Variants in THSD4 observed in about 807,000 individuals in gnomAD.
The protein encoded by THSD4 is thrombospondin type 1 domain containing 4, also known as thrombospondin type-1 domain-containing protein 4.
In THSD4, 69 loss-of-function variants were observed where a neutral mutation model predicts 119.0. The ratio of observed to expected loss-of-function variants is 0.58; its 90% CI spans 0.48 to 0.71. THSD4 has a LOEUF of 0.71. THSD4 is among the 30% of genes least tolerant of loss of function. The pLI, the probability that THSD4 is intolerant of heterozygous loss-of-function variation, is 0.00. For synonymous variants in THSD4, 524 were observed against 540.4 expected (o/e 0.97, Z 0.42); for missense variants, 1,393 against 1,391.1 (o/e 1.00, Z -0.02).
intron 1 of THSD4, among the ~76,000 whole-genome samples, chr15:71,098,616 A>G (rs1181121186): frequency 6.6e-6 from 1 of 152,042 alleles, no homozygotes; most frequent in Non-Finnish European, 1.5e-5. Context: ...GGGTATAGGG[A>G]CATTCATCAT....
At chr15:71,258,508 A>T (rs898939860) in intron 6 of THSD4, among the ~76,000 whole-genome samples, 1 of 152,190 alleles carries the variant, frequency 6.6e-6, no homozygotes, top group Non-Finnish European at 1.5e-5. Flanking sequence ...TGTTAACATT[A>T]TGCGAAGCTG....
At position 71,553,902 on chromosome 15, in the gene THSD4, C is replaced by T. The variant is rs1168058210; in HGVS notation, c.1153-106628C>T. On this transcript the variant is annotated intron_variant, in intron 7 of 17. Transcript: ENST00000261862. ...AATCATGATTTCTTCATTAAATTTG[C>T]TACTGTATTTGATTTATAAATATTT... Among the ~76,000 whole-genome samples, 4 of 151,936 alleles carry T rather than the reference C, an allele frequency of 2.6e-5. No homozygotes were observed. In the South Asian group the frequency reaches 8.3e-4, roughly 32 times the overall value.
rs1383817294 is a variant in THSD4, at chr15:71,418,999, C to G, written c.1152+7176C>G. ...TAGTCACTGTTGATCCTTTGAATTT[C>G]TGTGGTATCAGTTGTTATGTCTCCT... On this transcript the variant is annotated intron_variant, in intron 7 of 17. Transcript: ENST00000261862. 3.7e-5 allele frequency among the ~76,000 whole-genome samples: 4 copies of G among 107,528 alleles called. 2 individuals carry two copies. In the Admixed American group the frequency reaches 4.8e-4, roughly 13 times the overall value. 70.5% of individuals were successfully genotyped at this position (107,528 alleles called of 152,430 possible).
intron 1 of THSD4, among the ~76,000 whole-genome samples, chr15:71,121,680 G>A (rs1319972401): frequency 1.3e-5 from 2 of 152,114 alleles, no homozygotes; most frequent in East Asian, 3.9e-4. Flanking sequence ...TCCTCCAGTG[G>A]TACTGGCCAA....
At position 71,151,524 on chromosome 15, in the gene THSD4, T is replaced by A. The variant is rs142192495; in HGVS notation, c.30-3339T>A. The stretch of plus-strand genomic sequence containing the variant: ...TCATTTGAGGTAGGAGGACAGGTTA[T>A]ACAATTCCCATTTTACAGATGAGGA... On this transcript the variant is annotated intron_variant, in intron 2 of 17. Coordinates refer to ENST00000261862, the MANE Select transcript of THSD4 (RefSeq NM_024817.3). 3.9e-5 allele frequency among the ~76,000 whole-genome samples: 6 copies of A among 152,308 alleles called. No homozygotes were observed. In the East Asian group the frequency reaches 1.2e-3, roughly 29 times the overall value.
chr15:71,495,845 C>A (rs1048455619), intron 7 of THSD4, among the ~76,000 whole-genome samples: 6 of 152,196 alleles, frequency 3.9e-5, no homozygotes, highest in Admixed American at 3.3e-4. Context: ...TGAGGCTTCA[C>A]CTCAGGAAAA....
At chr15:71,160,189 A>C (rs2043238161) in intron 3 of THSD4, among the ~76,000 whole-genome samples, 1 of 151,492 alleles carries the variant, frequency 6.6e-6, no homozygotes, top group South Asian at 2.1e-4. Flanking sequence ...TTAGTGAATA[A>C]TATTTATAAT....
chr15:71,359,562 C>G (rs1209935618), intron 6 of THSD4, among the ~76,000 whole-genome samples: 1 of 152,158 alleles, frequency 6.6e-6, no homozygotes, highest in East Asian at 1.9e-4. Flanking sequence ...AATCCCAGCA[C>G]TTTGGGAGGG....
intron 7 of THSD4, among the ~76,000 whole-genome samples, chr15:71,616,860 G>A (rs962440988): frequency 7.2e-5 from 11 of 152,256 alleles, no homozygotes; most frequent in Admixed American, 5.2e-4. Flanking sequence ...AACTCTCTAC[G>A]AGAAAGCTTT....
chr15:71,513,666 G>A (rs2048314186), intron 7 of THSD4, among the ~76,000 whole-genome samples: 1 of 152,138 alleles, frequency 6.6e-6, no homozygotes, highest in African/African-American at 2.4e-5. Flanking sequence ...AACTGACCCA[G>A]CAATGAAATT....
At chr15:71,446,423 G>C (rs2047181957) in intron 7 of THSD4, among the ~76,000 whole-genome samples, 1 of 152,162 alleles carries the variant, frequency 6.6e-6, no homozygotes, top group South Asian at 2.1e-4. Context: ...TTAGGTCTCT[G>C]TTTAGTTCTA....
chr15:71,568,553 C>T (rs1285030626), intron 7 of THSD4, among the ~76,000 whole-genome samples: 2 of 145,664 alleles, frequency 1.4e-5, no homozygotes, highest in African/African-American at 2.5e-5. Context: ...TTGTTATACT[C>T]TTACCTCTTT....
intron 7 of THSD4, among the ~76,000 whole-genome samples, chr15:71,657,193 C>G (rs542615503): frequency 2.0e-5 from 3 of 152,322 alleles, no homozygotes; most frequent in African/African-American, 7.2e-5. Flanking sequence ...TTCCCAAAGT[C>G]AGGACCTGTG....
chr15:71,377,520 G>T (rs1314035718), intron 6 of THSD4, among the ~76,000 whole-genome samples: 1 of 152,096 alleles, frequency 6.6e-6, no homozygotes, highest in Non-Finnish European at 1.5e-5. Context: ...AGGGAACCAG[G>T]GGGCTGTAGT....
chr15:71,311,893 A>G (rs1467307641), intron 6 of THSD4, among the ~76,000 whole-genome samples: 4 of 151,702 alleles, frequency 2.6e-5, no homozygotes, highest in African/African-American at 4.8e-5. Context: ...TGCGTACCCC[A>G]TTGTCTCCAG....
intron 3 of THSD4, among the ~76,000 whole-genome samples, chr15:71,161,955 G>A (rs932534423): frequency 2.6e-5 from 4 of 151,872 alleles, no homozygotes; most frequent in Non-Finnish European, 5.9e-5. Context: ...AATAGTCTTA[G>A]TTATAATAGA....
chr15:71,199,457 G>A (rs1417678890), intron 3 of THSD4, among the ~76,000 whole-genome samples: 1 of 109,370 alleles, frequency 9.1e-6, no homozygotes, highest in Non-Finnish European at 2.1e-5. Flanking sequence ...GTGTGTGGGG[G>A]GGGGTGTGTG....
At position 71,668,444 on chromosome 15, in the gene THSD4, G is replaced by C. The variant is rs2051458184; in HGVS notation, c.1357+7710G>C. 2.0e-5 allele frequency among the ~76,000 whole-genome samples: 3 copies of C among 152,288 alleles called. No individual in the cohort carries two copies. In the South Asian group the frequency reaches 6.2e-4, roughly 32 times the overall value. ...GAGATGAAGCCCCAAGAGGCTCTGAGCCTGGAAGACAGCAGGTAAAAGGGA... is the reference window on the plus strand; with the variant it reads ...GAGATGAAGCCCCAAGAGGCTCTGACCCTGGAAGACAGCAGGTAAAAGGGA... On this transcript the variant is annotated intron_variant, in intron 8 of 17. Coordinates refer to ENST00000261862, the MANE Select transcript of THSD4 (RefSeq NM_024817.3).
At chr15:71,238,017 G>T (rs560794402) in intron 4 of THSD4, among the ~76,000 whole-genome samples, 121 of 152,156 alleles carry the variant, frequency 8.0e-4, no homozygotes, top group African/African-American at 2.9e-3. Flanking sequence ...CCCTTACTGT[G>T]CACTGTCATG....
Sources: allele counts gnomAD v4.1 joint callset (sites outside exome capture counted in the v4.1 genomes callset), GRCh38; gene constraint gnomAD v4.1.1; transcripts MANE v1.5; gene names NCBI Gene and HGNC (gene_info 2026-07-23, HGNC 2026-07-21).